Variants in SH3PXD2A observed in about 807,000 individuals in gnomAD.
The protein encoded by SH3PXD2A is SH3 and PX domains 2A.
In SH3PXD2A, 32 loss-of-function variants were observed where a neutral mutation model predicts 115.2. The ratio of observed to expected loss-of-function variants is 0.28; its 90% CI spans 0.21 to 0.37. The LOEUF (loss-of-function observed/expected upper bound fraction) is 0.37. Ranked by LOEUF, SH3PXD2A falls within the 10% of genes least tolerant of loss-of-function variation. The pLI, the probability that SH3PXD2A is intolerant of heterozygous loss-of-function variation, is 1.00. For synonymous variants in SH3PXD2A, 610 were observed against 629.1 expected, an observed-to-expected ratio of 0.97 and a Z score of 0.45; for missense variants, 1,328 against 1,498.7, an observed-to-expected ratio of 0.89 and a Z score of 1.88.
At chr10:103,656,019 A>G (rs1337517299) in intron 8 of SH3PXD2A, among the ~76,000 whole-genome samples, 1 of 152,260 alleles carries the variant, frequency 6.6e-6, no homozygotes, top group Non-Finnish European at 1.5e-5. Flanking sequence ...TGTAGTATGT[A>G]TCACTAGCCC....
intron 7 of SH3PXD2A, chr10:103,661,711 C>T (rs1404431530): frequency 1.0e-6 from 1 of 985,160 alleles, no homozygotes; most frequent in African/African-American, 1.7e-5. Flanking sequence ...TCTCCACGGC[C>T]CAGGCCCAGG....
intron 8 of SH3PXD2A, among the ~76,000 whole-genome samples, chr10:103,658,665 C>T (rs952138136): frequency 1.3e-5 from 2 of 152,208 alleles, no homozygotes; most frequent in Non-Finnish European, 2.9e-5. Flanking sequence ...AGGTCCTGTG[C>T]AAATATCTGC....
At position 103,782,519 on chromosome 10, in the gene SH3PXD2A, C is replaced by T. The variant is rs150308238; in HGVS notation, c.154-15350G>A. ...CTCTCTCCCATTCCTTCATAACCAG[C>T]GGCAGCTCACTATGCATTCATTTAT... On this transcript the variant is annotated intron_variant, in intron 2 of 14. Coordinates refer to ENST00000369774, the MANE Select transcript of SH3PXD2A (RefSeq NM_001394015.1). Among the ~76,000 whole-genome samples the T allele has an allele frequency of 5.8e-4, 88 of 152,286 alleles. 1 individual carries two copies. Among genetic ancestry groups the T allele is most frequent in the African/African-American group, 2.0e-3 (84 of 41,566 alleles).
rs149317730 is a variant in SH3PXD2A at position 103,723,878 on chromosome 10, G to A, written c.398+392C>T. Among the ~76,000 whole-genome samples the A allele has an allele frequency of 9.6e-3, 1,464 of 152,322 alleles. 17 individuals are homozygous for A. Among genetic ancestry groups the A allele is most frequent in the Non-Finnish European group, 0.013 (853 of 68,028 alleles). On this transcript the variant is annotated intron_variant, in intron 5 of 14. Transcript: ENST00000369774. ...CAGGTGAGTTTTCATCCTGGGCAGT[G>A]CACACTGGGACCTCTGCAGCCATAA...
chr10:103,784,012 T>G lies in SH3PXD2A; in HGVS notation c.154-16843A>C, dbSNP rs1388675830. On this transcript the variant is annotated intron_variant, in intron 2 of 14. Transcript: ENST00000369774. The surrounding 1 kb of genome is among the most constrained non-coding windows in gnomAD (Gnocchi z 4.4). ...ACAGGAAAAGTCCCCCCGCAAAGCT[T>G]GCTGTCTTCCAAGCCCACCCTGGTG... is the stretch of plus-strand genomic sequence containing the variant. Among the ~76,000 whole-genome samples, 2 of 152,202 alleles carry G rather than the reference T, an allele frequency of 1.3e-5. No homozygotes were observed. Among genetic ancestry groups the G allele is most frequent in the Non-Finnish European group, 2.9e-5 (2 of 68,024 alleles).
intron 3 of SH3PXD2A, among the ~76,000 whole-genome samples, chr10:103,763,761 G>A (rs1010266678): frequency 2.0e-4 from 30 of 152,210 alleles, no homozygotes; most frequent in African/African-American, 7.2e-4. Flanking sequence ...CCGGCCATGA[G>A]AGCCATCATG....
Position 103,608,035 on chromosome 10 carries a change from G to T in SH3PXD2A, c.1309-2118C>A, listed in dbSNP as rs144333302. On this transcript the variant is annotated intron_variant, in intron 13 of 14. Coordinates refer to ENST00000369774, the MANE Select transcript of SH3PXD2A (RefSeq NM_001394015.1). ...ACTGCGGAAGGCCTCGGGGTCCTCTGCCTAGAAAAACCAGAGACCTTTGTT... is the reference window on the plus strand; with the variant it reads ...ACTGCGGAAGGCCTCGGGGTCCTCTTCCTAGAAAAACCAGAGACCTTTGTT... 8.8e-3 allele frequency among the ~76,000 whole-genome samples: 1,326 copies of T among 150,984 alleles called. 21 individuals are homozygous for T. The highest frequency in any genetic ancestry group is 0.031 in the African/African-American group (1,270 of 40,978).
In SH3PXD2A at chr10:103,756,490, C is replaced by T. The variant is rs963582296; in HGVS notation, c.229+10604G>A. Among the ~76,000 whole-genome samples, 2 of 152,172 alleles carry T rather than the reference C, an allele frequency of 1.3e-5. No homozygotes were observed. The highest frequency in any genetic ancestry group is 2.4e-5 in the African/African-American group (1 of 41,424). The stretch of plus-strand genomic sequence containing the variant: ...TGCCACTCCCGAGCCCTCAGTGAAA[C>T]CTGGACCCAGAAACCAGAGTGCCCA... On this transcript the variant is annotated intron_variant, in intron 3 of 14. Transcript: ENST00000369774. This position sits in a 1 kb window ranked among gnomAD's most constrained non-coding sequence, Gnocchi z 4.4.
chr10:103,708,898 C>T (rs1380051880), intron 5 of SH3PXD2A, among the ~76,000 whole-genome samples: 1 of 151,932 alleles, frequency 6.6e-6, no homozygotes, highest in Non-Finnish European at 1.5e-5. Context: ...GCTCCTGAGG[C>T]AACACTGCAG....
chr10:103,771,924 TCCC>T (rs2038826903), intron 2 of SH3PXD2A, among the ~76,000 whole-genome samples: 1 of 151,932 alleles, frequency 6.6e-6, no homozygotes, highest in Non-Finnish European at 1.5e-5. Context: ...TGTCACCTAA[TCCC>T]ACCACCAGGA....
chr10:103,656,714 C>T (rs983375098), intron 8 of SH3PXD2A, among the ~76,000 whole-genome samples: 2 of 151,252 alleles, frequency 1.3e-5, no homozygotes, highest in South Asian at 4.2e-4. Context: ...CCTGTAATCC[C>T]AACTACTTGG....
chr10:103,784,423 G>T lies in SH3PXD2A; in HGVS notation c.153+16859C>A, dbSNP rs1448347012. ...ACGCAGACCCAAGGCAGGAGGAAGG[G>T]AATGTAGCATTGACCAGACACCTCT... On this transcript the variant is annotated intron_variant, in intron 2 of 14. Transcript: ENST00000369774. The surrounding 1 kb of genome is among the most constrained non-coding windows in gnomAD (Gnocchi z 4.4). Among the ~76,000 whole-genome samples, 2 of 152,220 alleles carry T rather than the reference G, an allele frequency of 1.3e-5. No individual in the cohort carries two copies. Among genetic ancestry groups the T allele is most frequent in the Non-Finnish European group, 2.9e-5 (2 of 68,046 alleles).
In SH3PXD2A at chr10:103,597,820, G is replaced by A. The variant is rs1284425060; in HGVS notation, c.*3996C>T. The A allele has an allele frequency of 6.6e-6, 1 of 152,556 alleles. No homozygotes were observed. Among genetic ancestry groups the A allele is most frequent in the African/African-American group, 2.4e-5 (1 of 41,446 alleles). The allele number at this position is 152,556 out of a possible 1,614,324, so 9.5% of individuals were successfully genotyped here. A position where few individuals can be genotyped will look rare whatever the true frequency, so the allele number is the denominator to read the frequency against. On this transcript the variant is annotated 3_prime_UTR_variant, in exon 15 of 15. Transcript: ENST00000369774. ...AATGCAAGGTATTTGGAGGGGTAGGGGAAGTGAGTAACCTTAAAGAAATAA... is the reference window on the plus strand; with the variant it reads ...AATGCAAGGTATTTGGAGGGGTAGGAGAAGTGAGTAACCTTAAAGAAATAA...
chr10:103,805,838 A>T (rs2065012), intron 1 of SH3PXD2A, among the ~76,000 whole-genome samples: 1 of 152,070 alleles, frequency 6.6e-6, no homozygotes. Flanking sequence ...GGCCTGGACA[A>T]CATAGTGAGG....
intron 1 of SH3PXD2A, among the ~76,000 whole-genome samples, chr10:103,836,678 C>T (rs928174433): frequency 3.3e-5 from 3 of 91,396 alleles, no homozygotes; most frequent in Non-Finnish European, 6.3e-5. Flanking sequence ...CACTCACAGA[C>T]ATGTACACAC....
At chr10:103,814,025 A>AAAAC (rs2039299171) in intron 1 of SH3PXD2A, among the ~76,000 whole-genome samples, 3 of 151,798 alleles carry the variant, frequency 2.0e-5, no homozygotes, top group African/African-American at 7.3e-5. Context: ...ACAACAAAAA[A>AAAAC]AAAACCACAC....
At chr10:103,716,941 G>A (rs1189089201) in intron 5 of SH3PXD2A, among the ~76,000 whole-genome samples, 1 of 152,212 alleles carries the variant, frequency 6.6e-6, no homozygotes, top group Non-Finnish European at 1.5e-5. Flanking sequence ...GCTTCCACCC[G>A]GGATGTCCCC....
At chr10:103,770,452 T>C (rs1395260471) in intron 2 of SH3PXD2A, among the ~76,000 whole-genome samples, 1 of 152,220 alleles carries the variant, frequency 6.6e-6, no homozygotes, top group Non-Finnish European at 1.5e-5. Context: ...CCTCCTACCT[T>C]GGCCTCCCAA....
intron 2 of SH3PXD2A, among the ~76,000 whole-genome samples, chr10:103,786,269 T>A (rs2038980426): frequency 6.6e-6 from 1 of 152,118 alleles, no homozygotes; most frequent in Non-Finnish European, 1.5e-5. Flanking sequence ...GCGCATGGAT[T>A]CCAGCACCAG....
Sources: gnomAD v4.1 joint callset for allele counts (sites outside exome capture counted in the v4.1 genomes callset) on GRCh38, gnomAD v4.1.1 for gene constraint, Gnocchi (gnomAD v3.1) non-coding constraint, MANE v1.5 for transcripts, NCBI Gene and HGNC (gene_info 2026-07-23, HGNC 2026-07-21) for gene names.